Variants in IL1RAPL2 observed in about 807,000 individuals in gnomAD.
IL1RAPL2 encodes the protein X-linked interleukin-1 receptor accessory protein-like 2.
Under a neutral mutation model 44.1 loss-of-function variants are expected in IL1RAPL2, and 3 were observed. The observed-to-expected ratio is 0.07, with a 90% CI of 0.03 to 0.18. The LOEUF (loss-of-function observed/expected upper bound fraction) is 0.18. IL1RAPL2 is among the 10% of genes least tolerant of loss of function. The pLI is 1.00. For synonymous variants in IL1RAPL2, 181 were observed against 178.8 expected (o/e 1.01, Z -0.10); for missense variants, 391 against 496.4 (o/e 0.79, Z 2.02).
At chrX:104,814,104 AC>A (rs1921072450) in intron 2 of IL1RAPL2, among the ~76,000 whole-genome samples, 1 of 111,447 alleles carries the variant, frequency 9.0e-6, no homozygotes, top group African/African-American at 3.3e-5. Flanking sequence ...GTTCTCAGTA[AC>A]AGGGAAAGAG....
intron 2 of IL1RAPL2, among the ~76,000 whole-genome samples, chrX:105,078,880 A>G (rs1434325549): frequency 2.7e-5 from 3 of 112,164 alleles, no homozygotes; most frequent in African/African-American, 9.7e-5. Context: ...GCCCGTTGGG[A>G]GGGCGCAGTA....
intron 5 of IL1RAPL2, among the ~76,000 whole-genome samples, chrX:105,353,429 C>T (rs1602372336): frequency 1.8e-5 from 2 of 111,383 alleles, no homozygotes; most frequent in East Asian, 5.7e-4. Context: ...TTTTTGGTTC[C>T]ATATGAACTT....
chrX:105,456,725 C>T (rs1318991178), intron 5 of IL1RAPL2, among the ~76,000 whole-genome samples: 1 of 110,946 alleles, frequency 9.0e-6, no homozygotes, highest in African/African-American at 3.3e-5. Flanking sequence ...ATTTCTTTAG[C>T]TACATCCCAT....
Position 105,025,473 on chromosome X carries a change from T to C in IL1RAPL2, c.83-170002T>C, listed in dbSNP as rs73638471. On this transcript the variant is annotated intron_variant, in intron 2 of 10. Transcript: ENST00000372582. ...GGCCTGCCGCTAAATGTCAAATTAA[T>C]CTTAAACGCCCATAGGATTAATGTT... is the stretch of plus-strand genomic sequence containing the variant. 7.6e-3 allele frequency among the ~76,000 whole-genome samples: 844 copies of C among 111,583 alleles called. 10 individuals carry two copies. The highest frequency in any genetic ancestry group is 0.026 in the African/African-American group (814 of 30,883).
chrX:105,194,799 T>C (rs1267954688), intron 2 of IL1RAPL2, among the ~76,000 whole-genome samples: 1 of 111,933 alleles, frequency 8.9e-6, no homozygotes, highest in Non-Finnish European at 1.9e-5. Flanking sequence ...AGGCAAATAA[T>C]AGCACAATTG....
chrX:105,389,077 G>A (rs2035502122), intron 5 of IL1RAPL2, among the ~76,000 whole-genome samples: 1 of 111,683 alleles, frequency 9.0e-6, no homozygotes, highest in Admixed American at 9.5e-5. Flanking sequence ...AGATTATTTT[G>A]TGTCTTCCCA....
chrX:105,033,631 A>G (rs1436963408), intron 2 of IL1RAPL2, among the ~76,000 whole-genome samples: 7 of 111,561 alleles, frequency 6.3e-5, no homozygotes, highest in South Asian at 3.8e-4. Context: ...GTGTAACCCA[A>G]TCTTTCTCTC....
intron 2 of IL1RAPL2, among the ~76,000 whole-genome samples, chrX:104,974,228 C>T (rs1015375890): frequency 4.5e-5 from 5 of 111,999 alleles, no homozygotes; most frequent in African/African-American, 1.6e-4. Flanking sequence ...TAGACCACCT[C>T]CAAGAACCAA....
intron 2 of IL1RAPL2, among the ~76,000 whole-genome samples, chrX:105,157,466 C>G (rs1446455176): frequency 1.8e-5 from 2 of 112,105 alleles, no homozygotes; most frequent in African/African-American, 6.5e-5. Flanking sequence ...TTATAAAATT[C>G]AAGAGAGAAA....
chrX:104,815,826 C>A (rs1053089605), intron 2 of IL1RAPL2, among the ~76,000 whole-genome samples: 1 of 82,819 alleles, frequency 1.2e-5, no homozygotes, highest in Non-Finnish European at 2.3e-5. Flanking sequence ...ACACATTCCA[C>A]CCCCCTCATT....
chrX:104,578,177 C>G (rs1421153390), intron 1 of IL1RAPL2, among the ~76,000 whole-genome samples: 1 of 111,741 alleles, frequency 8.9e-6, no homozygotes, highest in Non-Finnish European at 1.9e-5. Flanking sequence ...AATCAGAGTT[C>G]TTTGAAGAAA....
intron 1 of IL1RAPL2, among the ~76,000 whole-genome samples, chrX:104,617,187 A>G (rs951781788): frequency 2.7e-5 from 3 of 111,939 alleles, no homozygotes; most frequent in Non-Finnish European, 5.6e-5. Flanking sequence ...GAATGTTGAA[A>G]ATAGGCCCAG....
chrX:105,341,825 G>A (rs746290626), intron 5 of IL1RAPL2, among the ~76,000 whole-genome samples: 1 of 110,705 alleles, frequency 9.0e-6, no homozygotes, highest in East Asian at 2.9e-4. Flanking sequence ...CAGCTACTCC[G>A]GAGGCTGACC....
At chrX:104,962,653 G>A (rs190093125) in intron 2 of IL1RAPL2, among the ~76,000 whole-genome samples, 1 of 112,437 alleles carries the variant, frequency 8.9e-6, no homozygotes, top group Non-Finnish European at 1.9e-5. Flanking sequence ...TATTCTTTAT[G>A]TATGTCATTA....
At chrX:104,619,188 G>A (rs1018152141) in intron 1 of IL1RAPL2, among the ~76,000 whole-genome samples, 31 of 112,209 alleles carry the variant, frequency 2.8e-4, no homozygotes, top group Non-Finnish European at 3.4e-4. Flanking sequence ...GGTCTGAGAC[G>A]GCAATGCCTG....
At chrX:104,877,180 C>T (rs1922929102) in intron 2 of IL1RAPL2, among the ~76,000 whole-genome samples, 1 of 111,433 alleles carries the variant, frequency 9.0e-6, no homozygotes, top group African/African-American at 3.3e-5. Context: ...AATAATGCTG[C>T]AATAAACATA....
intron 1 of IL1RAPL2, among the ~76,000 whole-genome samples, chrX:104,618,244 T>C (rs1929317370): frequency 8.9e-6 from 1 of 112,104 alleles, no homozygotes; most frequent in Non-Finnish European, 1.9e-5. Context: ...TACTTGATCC[T>C]TGTTCACTGG....
chrX:104,723,103 G>C (rs764960884), intron 2 of IL1RAPL2, among the ~76,000 whole-genome samples: 1 of 110,507 alleles, frequency 9.0e-6, no homozygotes, highest in East Asian at 2.9e-4. Flanking sequence ...TCAGTTATTT[G>C]CAGCTGACAT....
At position 105,395,908 on chromosome X, in the gene IL1RAPL2, G is replaced by T. The variant is rs780629142; in HGVS notation, c.698-88405G>T. 2.7e-5 allele frequency among the ~76,000 whole-genome samples: 3 copies of T among 112,104 alleles called. No individual in the cohort carries two copies. The East Asian group carries it at 8.5e-4, about 32-fold the overall frequency. ...CAGCTACTAAATCAGAAGCCCTGGGGTTGATGCCCAGCTCTCTGTTTTATC... is the reference window on the plus strand; with the variant it reads ...CAGCTACTAAATCAGAAGCCCTGGGTTTGATGCCCAGCTCTCTGTTTTATC... On this transcript the variant is annotated intron_variant, in intron 5 of 10. Coordinates refer to ENST00000372582, the MANE Select transcript of IL1RAPL2 (RefSeq NM_017416.2).
Sources: allele counts gnomAD v4.1 joint callset (sites outside exome capture counted in the v4.1 genomes callset), GRCh38; gene constraint gnomAD v4.1.1; transcripts MANE v1.5; gene names NCBI Gene and HGNC (gene_info 2026-07-23, HGNC 2026-07-21).